The following MS4A6E variants were observed in gnomAD, a reference collection of about 807,000 sequenced individuals.
MS4A6E encodes membrane-spanning 4-domains subfamily A member 6E.
Under a neutral mutation model 13.2 loss-of-function variants are expected in MS4A6E, and 8 were observed. That is an observed-to-expected ratio of 0.60 (90% CI 0.35 to 1.09). The LOEUF (loss-of-function observed/expected upper bound fraction) is 1.09, where lower values mean the gene tolerates loss of function less well. Among genes scored for constraint, MS4A6E ranks in the 50% least tolerant of loss-of-function variants. The pLI is 0.02. For synonymous variants in MS4A6E, 72 were observed against 67.6 expected (o/e 1.06, Z -0.32); for missense variants, 177 against 171.1 (o/e 1.03, Z -0.19).
At chr11:60,332,885 C>T (rs887423328) in intron 1 of MS4A6E, among the ~76,000 whole-genome samples, 1 of 152,194 alleles carries the variant, frequency 6.6e-6, no homozygotes, top group Non-Finnish European at 1.5e-5. Flanking sequence ...ACCCGCATGC[C>T]CGCATAAATC....
At position 60,330,435 on chromosome 11, in the gene MS4A6E, G is replaced by A. The variant is rs1264402008; in HGVS notation, c.-15+3027G>A. Reference sequence around the variant, plus strand: ...CGGCTCACTGCAAGCTCCGCCTCCCGGGTTCACACCATTCTCCTGCCTCAG... The same window carrying A: ...CGGCTCACTGCAAGCTCCGCCTCCCAGGTTCACACCATTCTCCTGCCTCAG... On this transcript the variant is annotated intron_variant, in intron 1 of 4. Transcript: ENST00000684409. Among the ~76,000 whole-genome samples the A allele has an allele frequency of 1.2e-4, 16 of 137,144 alleles. 1 individual carries two copies. The highest frequency in any genetic ancestry group is 1.5e-4 in the Non-Finnish European group (10 of 65,314). 90.0% of individuals were successfully genotyped at this position (137,144 alleles called of 152,430 possible). A position where few individuals can be genotyped will look rare whatever the true frequency, so the allele number is the denominator to read the frequency against.
chr11:60,343,339 C>T (rs149370113), downstream of MS4A6E, among the ~76,000 whole-genome samples: 4 of 152,044 alleles, frequency 2.6e-5, no homozygotes, highest in East Asian at 1.9e-4. Context: ...ATAAAAGGAA[C>T]CTTTTTTTTG....
At chr11:60,335,836 C>A (rs767545820) in intron 2 of MS4A6E, among the ~76,000 whole-genome samples, 37 of 152,130 alleles carry the variant, frequency 2.4e-4, no homozygotes, top group Non-Finnish European at 5.1e-4. Context: ...TAAGACAGAG[C>A]TTCAGTTATA....
chr11:60,342,187 GAGAGAGAGAGA>G (rs918614336), downstream of MS4A6E, among the ~76,000 whole-genome samples: 18 of 81,936 alleles, frequency 2.2e-4, no homozygotes, highest in African/African-American at 1.1e-3. Context: ...GTGAGAGAGA[GAGAGAGAGAGA>G]GAGGGGGGGG....
At chr11:60,332,745 A>AT (rs2085164830) in intron 1 of MS4A6E, among the ~76,000 whole-genome samples, 1 of 152,250 alleles carries the variant, frequency 6.6e-6, no homozygotes, top group Admixed American at 6.5e-5. Flanking sequence ...TTGGACAGAG[A>AT]TATTTCAAGA....
intron 3 of MS4A6E, among the ~76,000 whole-genome samples, chr11:60,339,185 T>C (rs549542987): frequency 6.6e-6 from 1 of 152,356 alleles, no homozygotes; most frequent in East Asian, 1.9e-4. Flanking sequence ...AGGACAGAAA[T>C]GGTAGAACTC....
At chr11:60,334,320 C>G (rs1173689252) in intron 1 of MS4A6E, among the ~76,000 whole-genome samples, 3 of 152,156 alleles carry the variant, frequency 2.0e-5, no homozygotes, top group African/African-American at 7.2e-5. Context: ...GCTTGAAGGG[C>G]CCCTAGAATC....
At position 60,341,306 on chromosome 11, in the gene MS4A6E, C is replaced by T. The variant is rs2085224482; in HGVS notation, c.*540C>T. ...GAAGTCTCCGAGTGTATGAAAGTAG[C>T]CGGCTTCAAAATAAAATCTTTGAGT... On this transcript the variant is annotated 3_prime_UTR_variant, in exon 5 of 5. Coordinates refer to ENST00000684409, the MANE Select transcript of MS4A6E (RefSeq NM_139249.4). Among the ~76,000 whole-genome samples the T allele has an allele frequency of 6.6e-6, 1 of 152,118 alleles. No homozygotes were observed. The highest frequency in any genetic ancestry group is 1.5e-5 in the Non-Finnish European group (1 of 68,008).
downstream of MS4A6E, among the ~76,000 whole-genome samples, chr11:60,344,322 G>T (rs1462256302): frequency 3.9e-5 from 6 of 152,204 alleles, no homozygotes; most frequent in Admixed American, 1.3e-4. Flanking sequence ...GATATTGGAT[G>T]CCCTTCATCT....
downstream of MS4A6E, among the ~76,000 whole-genome samples, chr11:60,343,803 C>T (rs770408132): frequency 4.6e-5 from 7 of 152,120 alleles, no homozygotes; most frequent in Non-Finnish European, 1.0e-4. Flanking sequence ...ATGTCCAGGA[C>T]GTTCTTCTGG....
intron 1 of MS4A6E, among the ~76,000 whole-genome samples, chr11:60,332,303 A>AT (rs745830125): frequency 6.6e-6 from 1 of 152,234 alleles, no homozygotes; most frequent in Non-Finnish European, 1.5e-5. Flanking sequence ...CTCGGATATC[A>AT]AGGTATAAAA....
At chr11:60,329,979 G>C (rs11607307) in intron 1 of MS4A6E, among the ~76,000 whole-genome samples, 48,788 of 145,350 alleles carry the variant, frequency 0.34, 9,299 homozygotes, top group Admixed American at 0.38. Flanking sequence ...GTGCATACCA[G>C]CACACCTGAC....
chr11:60,336,684 T>C (rs1204332749), intron 2 of MS4A6E, among the ~76,000 whole-genome samples: 2 of 152,176 alleles, frequency 1.3e-5, no homozygotes, highest in South Asian at 2.1e-4. Context: ...AGTCATTATG[T>C]TGGGAAATTG....
Position 60,339,948 on chromosome 11 carries a change from C to T in MS4A6E, c.437C>T (p.Thr146Ile). Residue 146 changes from threonine (T) to isoleucine (I), a missense_variant, in exon 4 of 5, where the codon ACT becomes ATT. Transcript: ENST00000684409. ...ACTGCTGTGCTGCAGTGGAAACAGACTGTCTGACTTCCCTGGGTGAGTGTG... is the reference window on the plus strand; with the variant it reads ...ACTGCTGTGCTGCAGTGGAAACAGATTGTCTGACTTCCCTGGGTGAGTGTG... ...VLTAVLQWKQ[T>I]V The T allele has an allele frequency of 1.2e-6, 2 of 1,613,636 alleles. No individual in the cohort carries two copies. Among genetic ancestry groups the T allele is most frequent in the Non-Finnish European group, 1.7e-6 (2 of 1,179,664 alleles).
At chr11:60,346,667 T>C (rs568389889) in intron 4 of MS4A6E, among the ~76,000 whole-genome samples, 13 of 152,330 alleles carry the variant, frequency 8.5e-5, no homozygotes, top group African/African-American at 3.1e-4. Flanking sequence ...TAAAAGTGTT[T>C]CCTTTACCAT....
At chr11:60,334,718 A>G in intron 1 of MS4A6E, 164 bp from the exon 2 acceptor site, 1 of 700,754 alleles carries the variant, frequency 1.4e-6, no homozygotes, top group Non-Finnish European at 2.3e-6. Flanking sequence ...AAAAATCCTC[A>G]TGATACCAAG....
chr11:60,333,958 C>T (rs900529809), intron 1 of MS4A6E, among the ~76,000 whole-genome samples: 3 of 152,132 alleles, frequency 2.0e-5, no homozygotes, highest in Non-Finnish European at 4.4e-5. Flanking sequence ...AAAGTCGTGG[C>T]ATTTTACTCG....
intron 1 of MS4A6E, among the ~76,000 whole-genome samples, chr11:60,332,242 C>A (rs2085161017): frequency 6.6e-6 from 1 of 152,178 alleles, no homozygotes; most frequent in Non-Finnish European, 1.5e-5. Flanking sequence ...TATTCTCAGC[C>A]TAAATGTATT....
intron 3 of MS4A6E, among the ~76,000 whole-genome samples, chr11:60,338,299 A>C (rs1389519025): frequency 6.6e-6 from 1 of 152,204 alleles, no homozygotes; most frequent in Admixed American, 6.5e-5. Flanking sequence ...ACAGAGCAGA[A>C]AGACCCGGGT....
Sources: gnomAD v4.1 joint callset for allele counts (sites outside exome capture counted in the v4.1 genomes callset) on GRCh38, gnomAD v4.1.1 for gene constraint, MANE v1.5 for transcripts, NCBI Gene and HGNC (gene_info 2026-07-23, HGNC 2026-07-21) for gene names.